The following FHIT variants were observed in gnomAD, a reference collection of about 807,000 sequenced individuals.
FHIT encodes the protein fragile histidine triad diadenosine triphosphatase.
Under a neutral mutation model 17.9 loss-of-function variants are expected in FHIT, and 19 were observed. The ratio of observed to expected loss-of-function variants is 1.06; its 90% CI spans 0.74 to 1.56. The LOEUF (loss-of-function observed/expected upper bound fraction) is 1.56, where lower values mean the gene tolerates loss of function less well. Ranked by LOEUF, FHIT falls within the 40% of genes most tolerant of loss-of-function variation. The pLI, the probability that FHIT is intolerant of heterozygous loss-of-function variation, is 0.00. For synonymous variants in FHIT, 81 were observed against 69.7 expected, an observed-to-expected ratio of 1.16 and a Z score of -0.81; for missense variants, 248 against 189.2, an observed-to-expected ratio of 1.31 and a Z score of -1.82.
chr3:59,804,993 C>A (rs748432142), intron 8 of FHIT, among the ~76,000 whole-genome samples: 18 of 152,192 alleles, frequency 1.2e-4, no homozygotes, highest in Non-Finnish European at 2.5e-4. Context: ...CTAGTGTAGG[C>A]TTCAGGGGAG....
At chr3:60,797,797 C>T (rs1701035871) in intron 4 of FHIT, among the ~76,000 whole-genome samples, 1 of 151,420 alleles carries the variant, frequency 6.6e-6, no homozygotes, top group Non-Finnish European at 1.5e-5. Context: ...AATCCAGCTA[C>T]ATTGAAATGT....
chr3:59,923,846 G>A (rs1402085905), intron 7 of FHIT, among the ~76,000 whole-genome samples: 3 of 152,110 alleles, frequency 2.0e-5, no homozygotes, highest in Non-Finnish European at 2.9e-5. Context: ...TTAAAGCCGA[G>A]GCAGGGTGCA....
intron 5 of FHIT, among the ~76,000 whole-genome samples, chr3:60,148,831 A>C (rs1030366344): frequency 2.6e-5 from 4 of 152,190 alleles, no homozygotes; most frequent in African/African-American, 9.6e-5. Context: ...CTGTCTTAAT[A>C]AAGGCAGTGC....
Position 60,790,695 on chromosome 3 carries a change from G to C in FHIT, c.-18+31224C>G, listed in dbSNP as rs1474019641. Among the ~76,000 whole-genome samples the C allele has an allele frequency of 5.9e-5, 9 of 152,186 alleles. 1 individual carries two copies. Among genetic ancestry groups the C allele is most frequent in the Admixed American group, 5.9e-4 (9 of 15,272 alleles). The stretch of plus-strand genomic sequence containing the variant: ...ATATGGAGCAGGGGCATTTTTAGGA[G>C]AGTGAAACTATTCTGTATGATACTA... On this transcript the variant is annotated intron_variant, in intron 4 of 9. Transcript: ENST00000492590.
At chr3:60,018,621 C>T (rs1700434552) in intron 5 of FHIT, among the ~76,000 whole-genome samples, 1 of 152,162 alleles carries the variant, frequency 6.6e-6, no homozygotes. Flanking sequence ...CCACTGACTT[C>T]CAGTTTCTAT....
chr3:60,103,523 G>T (rs1185853478), intron 5 of FHIT, among the ~76,000 whole-genome samples: 2 of 152,134 alleles, frequency 1.3e-5, no homozygotes, highest in Admixed American at 6.5e-5. Context: ...TTCTATGGGA[G>T]TGACCAGGAG....
intron 5 of FHIT, among the ~76,000 whole-genome samples, chr3:60,313,850 G>A (rs1396216038): frequency 6.6e-6 from 1 of 152,162 alleles, no homozygotes; most frequent in Admixed American, 6.6e-5. Flanking sequence ...CCCCAGAAAA[G>A]TCTTCAAATG....
rs1167706279 is a variant in FHIT at position 60,077,735 on chromosome 3, TAGAG to T, written c.104-63587_104-63584del. Among the ~76,000 whole-genome samples the T allele has an allele frequency of 1.5e-3, 95 of 63,246 alleles. 1 individual carries two copies. The highest frequency in any genetic ancestry group is 9.8e-3 in the Middle Eastern group (1 of 102). 41.5% of individuals were successfully genotyped at this position (63,246 alleles called of 152,430 possible). A position where few individuals can be genotyped will look rare whatever the true frequency, so the allele number is the denominator to read the frequency against. The stretch of plus-strand genomic sequence containing the variant: ...ACACACACACACACACACACATATA[TAGAG>T]GGGGGGGGGAGGATACAAAGTAACA... On this transcript the variant is annotated intron_variant, in intron 5 of 9. Transcript: ENST00000492590.
intron 5 of FHIT, among the ~76,000 whole-genome samples, chr3:60,346,838 G>C (rs1000753888): frequency 1.3e-5 from 2 of 152,052 alleles, no homozygotes; most frequent in African/African-American, 4.8e-5. Flanking sequence ...CCTGAATTTA[G>C]GTTTCTGTAG....
chr3:61,047,579 G>T (rs145215929), intron 2 of FHIT, among the ~76,000 whole-genome samples: 4,036 of 152,232 alleles, frequency 0.027, 168 homozygotes, highest in African/African-American at 0.091. Flanking sequence ...TAGATTCAAT[G>T]CCATCCCCAT....
At chr3:60,006,691 C>T (rs1018632386) in intron 7 of FHIT, among the ~76,000 whole-genome samples, 1 of 151,640 alleles carries the variant, frequency 6.6e-6, no homozygotes, top group Non-Finnish European at 1.5e-5. Flanking sequence ...TTCAGAGAGG[C>T]TAAAAGGCTG....
intron 5 of FHIT, among the ~76,000 whole-genome samples, chr3:60,436,646 T>A (rs1301178033): frequency 6.6e-6 from 1 of 152,146 alleles, no homozygotes; most frequent in Non-Finnish European, 1.5e-5. Flanking sequence ...AATCATTTTT[T>A]ATTAAATCAT....
At chr3:59,972,752 C>T (rs1284157594) in intron 7 of FHIT, among the ~76,000 whole-genome samples, 1 of 152,126 alleles carries the variant, frequency 6.6e-6, no homozygotes, top group African/African-American at 2.4e-5. Flanking sequence ...TTTCTCTTGT[C>T]TTATTCAGTA....
chr3:60,670,350 C>A (rs549836248), intron 4 of FHIT, among the ~76,000 whole-genome samples: 34 of 152,282 alleles, frequency 2.2e-4, no homozygotes, highest in African/African-American at 7.7e-4. Flanking sequence ...GTGAATGAGG[C>A]ACTTTCCTCA....
chr3:59,795,836 C>G (rs950031272), intron 8 of FHIT, among the ~76,000 whole-genome samples: 11 of 152,290 alleles, frequency 7.2e-5, no homozygotes, highest in Middle Eastern at 3.4e-3. Flanking sequence ...AAGTGGCTGC[C>G]AGGGGATGCC....
chr3:61,169,289 A>C (rs2037928498), intron 2 of FHIT, among the ~76,000 whole-genome samples: 1 of 152,148 alleles, frequency 6.6e-6, no homozygotes, highest in African/African-American at 2.4e-5. Context: ...GTTTTATCTC[A>C]ATTTGCAACT....
At chr3:60,878,764 T>A (rs1276288619) in intron 3 of FHIT, among the ~76,000 whole-genome samples, 7 of 152,140 alleles carry the variant, frequency 4.6e-5, no homozygotes, top group South Asian at 2.1e-4. Flanking sequence ...CTTGCAATAA[T>A]TTGCTGAGAA....
intron 5 of FHIT, among the ~76,000 whole-genome samples, chr3:60,363,492 T>C (rs1319230530): frequency 6.6e-6 from 1 of 152,192 alleles, no homozygotes; most frequent in African/African-American, 2.4e-5. Context: ...TCTCATTTAT[T>C]CCCACAACTC....
chr3:59,947,755 G>A (rs371991777), intron 7 of FHIT, among the ~76,000 whole-genome samples: 2 of 152,172 alleles, frequency 1.3e-5, no homozygotes, highest in Non-Finnish European at 2.9e-5. Flanking sequence ...ACAACACTCT[G>A]ACAGAGGATG....
Sources: allele counts gnomAD v4.1 joint callset (sites outside exome capture counted in the v4.1 genomes callset), GRCh38; gene constraint gnomAD v4.1.1; transcripts MANE v1.5; gene names NCBI Gene and HGNC (gene_info 2026-07-23, HGNC 2026-07-21).